SV2A: variants seen among roughly 807,000 people sequenced by gnomAD.
SV2A encodes the protein solute carrier family 22 member B1.
Under a neutral mutation model 78.0 loss-of-function variants are expected in SV2A, and 25 were observed. The observed-to-expected ratio is 0.32, with a 90% CI of 0.23 to 0.45. The LOEUF (loss-of-function observed/expected upper bound fraction) is 0.45, where lower values mean the gene tolerates loss of function less well. Among genes scored for constraint, SV2A ranks in the 20% least tolerant of loss-of-function variants. The probability of loss-of-function intolerance (pLI) is 1.00; values close to 1 mark genes in which losing one functional copy is unlikely to be tolerated. For synonymous variants in SV2A, 355 were observed against 384.7 expected (o/e 0.92, Z 0.90); for missense variants, 752 against 971.5 (o/e 0.77, Z 3.00).
chr1:149,908,506 C>A (rs2092453639), intron 8 of SV2A, among the ~76,000 whole-genome samples: 1 of 152,114 alleles, frequency 6.6e-6, no homozygotes, highest in Non-Finnish European at 1.5e-5. Flanking sequence ...CCCCAGCCAC[C>A]CCCACTCCAC....
intron 1 of SV2A, among the ~76,000 whole-genome samples, chr1:149,916,233 C>T (rs2092512919): frequency 6.6e-6 from 1 of 152,160 alleles, no homozygotes; most frequent in African/African-American, 2.4e-5. Flanking sequence ...GACCCTATTT[C>T]CCCCTGAGAG....
intron 12 of SV2A, 112 bp downstream of exon 12, chr1:149,905,768 A>G: frequency 7.0e-7 from 1 of 1,423,930 alleles, no homozygotes; most frequent in South Asian, 1.3e-5. Context: ...TAGAGGAGAA[A>G]ATGGAAATGT....
At chr1:149,909,407 C>T in intron 7 of SV2A, 54 bp downstream of exon 7, 1 of 1,571,604 alleles carries the variant, frequency 6.4e-7, no homozygotes, top group Non-Finnish European at 8.8e-7. Flanking sequence ...TTCAGTCCTG[C>T]CTTCTTCTCC....
chr1:149,911,740 G>T, intron 3 of SV2A, 60 bp downstream of exon 3: 2 of 1,544,858 alleles, frequency 1.3e-6, no homozygotes, highest in Non-Finnish European at 1.8e-6. Context: ...GGGCCCTAAA[G>T]ATACAACAGT....
chr1:149,909,050 G>A (rs868949717), intron 8 of SV2A, 142 bp downstream of exon 8: 2 of 732,152 alleles, frequency 2.7e-6, no homozygotes, highest in Admixed American at 2.2e-5. Flanking sequence ...GCGAAGTAGA[G>A]GAGCTGGCTG....
Position 149,904,241 on chromosome 1 carries a change from G to A in SV2A, c.*773C>T, listed in dbSNP as rs1200443487. On this transcript the variant is annotated 3_prime_UTR_variant, in exon 13 of 13. Transcript: ENST00000369146. ...GCTCAACACAGAAACCAGATTAGGG[G>A]AGGAACTGTGGGAGGCAGGGTTGTG... The A allele has an allele frequency of 3.3e-5, 5 of 152,754 alleles. No homozygotes were observed. Among genetic ancestry groups the A allele is most frequent in the African/African-American group, 4.8e-5 (2 of 41,440 alleles). 9.5% of individuals were successfully genotyped at this position (152,754 alleles called of 1,614,324 possible).
In SV2A at chr1:149,903,483, G is replaced by A. The variant is rs2092413114; in HGVS notation, c.*1531C>T. On this transcript the variant is annotated 3_prime_UTR_variant, in exon 13 of 13. Transcript: ENST00000369146. Reference sequence around the variant, plus strand: ...GGGCTACGTCCAGCATGTGGGGAGTGAGGGACAAGGGCACAGGGCACACAC... The same window carrying A: ...GGGCTACGTCCAGCATGTGGGGAGTAAGGGACAAGGGCACAGGGCACACAC... The A allele has an allele frequency of 1.3e-5, 2 of 152,282 alleles. No individual in the cohort carries two copies. Among genetic ancestry groups the A allele is most frequent in the Non-Finnish European group, 2.9e-5 (2 of 68,160 alleles). The allele number at this position is 152,282 out of a possible 1,614,324, so 9.4% of individuals were successfully genotyped here. A position where few individuals can be genotyped will look rare whatever the true frequency, so the allele number is the denominator to read the frequency against.
Position 149,905,149 on chromosome 1 carries a change from C to A in SV2A, c.2094G>T (p.Val698=), listed in dbSNP as rs1553762515. ...FLNALCKLAA[V]LGISIFTSFV... The stretch of plus-strand genomic sequence containing the variant: ...AGGATGTGAAGATGCTGATCCCCAG[C>A]ACAGCTGCCAGCTTACACAGGGCAT... The change falls in exon 13 of 13, where the codon GTG becomes GTT. Residue 698 remains valine (V), a synonymous_variant. Coordinates refer to ENST00000369146, the MANE Select transcript of SV2A (RefSeq NM_014849.5). 6.2e-7 allele frequency: 1 copy of A among 1,611,818 alleles called. No homozygotes were observed. Among genetic ancestry groups the A allele is most frequent in the African/African-American group, 1.3e-5 (1 of 75,050 alleles).
intron 1 of SV2A, among the ~76,000 whole-genome samples, chr1:149,915,928 C>T (rs1401635810): frequency 1.3e-5 from 2 of 152,082 alleles, no homozygotes; most frequent in African/African-American, 4.8e-5. Flanking sequence ...CACACACACA[C>T]GCCCTGGTAG....
chr1:149,907,988 A>C, intron 9 of SV2A, 54 bp downstream of exon 9: 1 of 1,595,344 alleles, frequency 6.3e-7, no homozygotes, highest in Non-Finnish European at 8.6e-7. Flanking sequence ...GACTCATAAA[A>C]GAGACGAGGT....
chr1:149,913,697 G>C lies in SV2A; in HGVS notation c.144C>G (p.Arg48=). Residue 48 remains arginine, a synonymous_variant, in exon 2 of 13, where the codon CGC becomes CGG. Coordinates refer to ENST00000369146, the MANE Select transcript of SV2A (RefSeq NM_014849.5). ...QDEYSRRSYS[R]FEEEDDDDDF... is the part of the protein sequence containing the mutation. The stretch of plus-strand genomic sequence containing the variant: ...CATCATCATCATCCTCCTCCTCAAA[G>C]CGGGAGTACGATCTTCGGGAATATT... 1 of 1,614,060 alleles carries C rather than the reference G, an allele frequency of 6.2e-7. No individual in the cohort carries two copies. The highest frequency in any genetic ancestry group is 1.1e-5 in the South Asian group (1 of 91,086).
intron 1 of SV2A, among the ~76,000 whole-genome samples, chr1:149,917,101 TTGGTCC>T (rs1358426352): frequency 2.0e-5 from 3 of 151,680 alleles, no homozygotes; most frequent in Non-Finnish European, 4.4e-5. Context: ...TCCTCCACCC[TTGGTCC>T]TGCTGCTAGA....
At chr1:149,912,581 C>A (rs2092482156) in intron 2 of SV2A, among the ~76,000 whole-genome samples, 1 of 152,118 alleles carries the variant, frequency 6.6e-6, no homozygotes, top group Non-Finnish European at 1.5e-5. Context: ...CAAACCAAGC[C>A]CCAGGAAGAA....
intron 8 of SV2A, among the ~76,000 whole-genome samples, chr1:149,908,698 C>T (rs587677113): frequency 1.1e-3 from 173 of 152,202 alleles, no homozygotes; most frequent in Middle Eastern, 3.4e-3. Context: ...AGTGCAGTGG[C>T]GCGATCTCGA....
Position 149,913,304 on chromosome 1 carries a change from G to A in SV2A, c.537C>T (p.Asp179=), listed in dbSNP as rs781860737. 8.0e-5 allele frequency: 129 copies of A among 1,614,044 alleles called. No homozygotes were observed. The highest frequency in any genetic ancestry group is 1.3e-4 in the African/African-American group (10 of 74,896). ...AGCCCACCACAAAGACCTCCACACC[G>A]TCAGCCATCAGCGCCAGACCAAGCA... ...YFVLGLALMA[D]GVEVFVVGFV... Residue 179 remains aspartate (D), a synonymous_variant, in exon 2 of 13, where the codon GAC becomes GAT. Coordinates refer to ENST00000369146, the MANE Select transcript of SV2A (RefSeq NM_014849.5).
rs200914482 is a variant in SV2A, at chr1:149,905,092, G to A, written c.2151C>T (p.Leu717=). 4.6e-5 allele frequency: 74 copies of A among 1,613,412 alleles called. No individual in the cohort carries two copies. The highest frequency in any genetic ancestry group is 1.6e-4 in the Middle Eastern group (1 of 6,084). The change falls in exon 13 of 13, where the codon CTC becomes CTT. Residue 717 remains leucine, a synonymous_variant. Transcript: ENST00000369146. Reference sequence around the variant, plus strand: ...CAAGGGCAAGGGCAGCTGAGGCAAAGAGGATGGGTGCAGCCTTGGTGATTC... The same window carrying A: ...CAAGGGCAAGGGCAGCTGAGGCAAAAAGGATGGGTGCAGCCTTGGTGATTC... The part of the protein sequence containing the change: ...FVGITKAAPI[L]FASAALALGS...
At position 149,909,555 on chromosome 1, in the gene SV2A, G is replaced by A. The variant is rs145220569; in HGVS notation, c.1196C>T (p.Thr399Met). ...AATCAATTCATCCTCCTGATGAATC[G>A]TCTTAATGTGGGTTACCTGGGGTCA... ...ERVFSVTHIK[T>M]IHQEDELIEI... Residue 399 changes from threonine to methionine, a missense_variant, in exon 7 of 13, where the codon ACG (threonine) becomes ATG (methionine). This residue lies in a region of SV2A where 136 missense variants were observed against 132.3 expected (regional missense o/e 1.03). Transcript: ENST00000369146. The A allele has an allele frequency of 9.9e-6, 16 of 1,613,948 alleles. No homozygotes were observed. Among genetic ancestry groups the A allele is most frequent in the African/African-American group, 4.0e-5 (3 of 74,876 alleles).
chr1:149,909,730 C>T (rs2092463363), intron 6 of SV2A, 71 bp downstream of exon 6: 1 of 1,552,936 alleles, frequency 6.4e-7, no homozygotes, highest in Non-Finnish European at 8.9e-7. Flanking sequence ...GTGGGGGGTA[C>T]TCAGAGAGGG....
intron 12 of SV2A, chr1:149,905,560 T>C: frequency 3.2e-6 from 1 of 308,688 alleles, no homozygotes; most frequent in Non-Finnish European, 6.0e-6. Flanking sequence ...TTCAAGCAAT[T>C]CTCCTGCCTT....
Sources: allele counts gnomAD v4.1 joint callset (sites outside exome capture counted in the v4.1 genomes callset), GRCh38; gene constraint gnomAD v4.1.1; regional missense constraint gnomAD v4.1.1; transcripts MANE v1.5; gene names NCBI Gene and HGNC (gene_info 2026-07-23, HGNC 2026-07-21).